The following CDKAL1 variants were observed in gnomAD, a reference collection of about 807,000 sequenced individuals.
CDKAL1 encodes CDKAL1 threonylcarbamoyladenosine tRNA methylthiotransferase.
A neutral mutation model predicts 68.2 loss-of-function variants in CDKAL1; 32 were observed. That is an observed-to-expected ratio of 0.47 (90% CI 0.35 to 0.63). The LOEUF (loss-of-function observed/expected upper bound fraction) is 0.63. Ranked by LOEUF, CDKAL1 falls within the 30% of genes least tolerant of loss-of-function variation. The pLI is 0.00. For missense variants in CDKAL1, 606 were observed against 696.7 expected (o/e 0.87, Z 1.47); for synonymous variants, 234 against 244.3 (o/e 0.96, Z 0.39).
In CDKAL1 at chr6:20,802,226, AG is replaced by A. The variant is rs981025354; in HGVS notation, c.638+20963del. Among the ~76,000 whole-genome samples the A allele has an allele frequency of 7.4e-4, 112 of 151,958 alleles. No individual in the cohort carries two copies. In the Middle Eastern group the frequency reaches 0.014, roughly 18 times the overall value. On this transcript the variant is annotated intron_variant, in intron 8 of 15. Coordinates refer to ENST00000274695, the MANE Select transcript of CDKAL1 (RefSeq NM_017774.3). Reference sequence around the variant, plus strand: ...GGCAGGAGAATCATGTGAACCCAGGAGGCGGAGGTTCCAGTGAGCCGAGATT... The same window carrying A: ...GGCAGGAGAATCATGTGAACCCAGGAGCGGAGGTTCCAGTGAGCCGAGATT...
At chr6:20,602,747 T>A (rs765666304) in intron 4 of CDKAL1, among the ~76,000 whole-genome samples, 4 of 152,190 alleles carry the variant, frequency 2.6e-5, no homozygotes, top group Non-Finnish European at 4.4e-5. Context: ...ACTTGGTTGT[T>A]CTTTGATTCC....
intron 8 of CDKAL1, among the ~76,000 whole-genome samples, chr6:20,803,072 G>A (rs549400637): frequency 2.0e-5 from 3 of 152,280 alleles, no homozygotes; most frequent in South Asian, 4.1e-4. Context: ...AGCCACGTTT[G>A]TTGCCATCTC....
chr6:21,045,937 A>G (rs201329), intron 11 of CDKAL1, among the ~76,000 whole-genome samples: 29,020 of 152,140 alleles, frequency 0.19, 2,901 homozygotes, highest in Middle Eastern at 0.24. Flanking sequence ...ACTATTTAAC[A>G]TTCACTGCCC....
intron 13 of CDKAL1, among the ~76,000 whole-genome samples, chr6:21,122,301 A>G (rs764725277): frequency 3.3e-5 from 5 of 152,244 alleles, no homozygotes; most frequent in Non-Finnish European, 7.3e-5. Flanking sequence ...CCACTACAGA[A>G]AGTATAAAGA....
chr6:20,726,782 A>G (rs1162635887), intron 5 of CDKAL1, among the ~76,000 whole-genome samples: 3 of 152,204 alleles, frequency 2.0e-5, no homozygotes, highest in Non-Finnish European at 2.9e-5. Flanking sequence ...GTTTGGGGGA[A>G]AAGCTACATA....
intron 9 of CDKAL1, among the ~76,000 whole-genome samples, chr6:20,944,409 G>A (rs1224118424): frequency 2.6e-5 from 4 of 152,210 alleles, no homozygotes; most frequent in Non-Finnish European, 4.4e-5. Flanking sequence ...GGGCAGTGGC[G>A]TGATCTCAGC....
At chr6:20,620,791 T>A (rs1467822966) in intron 4 of CDKAL1, among the ~76,000 whole-genome samples, 1 of 152,112 alleles carries the variant, frequency 6.6e-6, no homozygotes, top group East Asian at 1.9e-4. Context: ...AAAAATTGAA[T>A]AGGTAGTATG....
intron 4 of CDKAL1, among the ~76,000 whole-genome samples, chr6:20,615,021 T>C (rs1032892575): frequency 7.2e-6 from 1 of 139,268 alleles, no homozygotes; most frequent in South Asian, 2.5e-4. Flanking sequence ...TGAGTGAGAA[T>C]ATGCGGTGTT....
chr6:20,800,958 T>C (rs974241250), intron 8 of CDKAL1, among the ~76,000 whole-genome samples: 2 of 152,050 alleles, frequency 1.3e-5, no homozygotes, highest in Admixed American at 1.3e-4. Flanking sequence ...TGCCCTGTCA[T>C]CCAGGCTGGA....
At chr6:20,747,661 A>G (rs765942831) in intron 6 of CDKAL1, among the ~76,000 whole-genome samples, 1 of 152,178 alleles carries the variant, frequency 6.6e-6, no homozygotes, top group Non-Finnish European at 1.5e-5. Flanking sequence ...TCCTTTGCCC[A>G]TTTTTAAATA....
chr6:20,705,397 T>C (rs1771550478), intron 5 of CDKAL1, among the ~76,000 whole-genome samples: 1 of 152,206 alleles, frequency 6.6e-6, no homozygotes, highest in African/African-American at 2.4e-5. Context: ...AATAAGATTA[T>C]TACTTAAGCT....
intron 4 of CDKAL1, among the ~76,000 whole-genome samples, chr6:20,587,795 A>C (rs1765436739): frequency 6.9e-6 from 1 of 145,650 alleles, no homozygotes; most frequent in South Asian, 2.2e-4. Context: ...AGAACCAAAA[A>C]CCAAAAAAAA....
chr6:20,699,774 T>G (rs967203479), intron 5 of CDKAL1, among the ~76,000 whole-genome samples: 15 of 152,040 alleles, frequency 9.9e-5, no homozygotes, highest in African/African-American at 3.4e-4. Flanking sequence ...TCTTAATGAG[T>G]GGTCAATTTA....
chr6:20,642,925 A>G (rs1236763543), intron 4 of CDKAL1, among the ~76,000 whole-genome samples: 1 of 151,326 alleles, frequency 6.6e-6, no homozygotes, highest in Non-Finnish European at 1.5e-5. Flanking sequence ...AACAACAACA[A>G]CAACAACAAC....
In CDKAL1 at chr6:20,580,414, C is replaced by T. The variant is rs1052269903; in HGVS notation, c.286+31709C>T. ...TGAGTGAACCTAGCAGAGGTCCTCC[C>T]GTGTCTGCTTGTGACATTCTGCATT... is the stretch of plus-strand genomic sequence containing the variant. On this transcript the variant is annotated intron_variant, in intron 4 of 15. Coordinates refer to ENST00000274695, the MANE Select transcript of CDKAL1 (RefSeq NM_017774.3). Among the ~76,000 whole-genome samples, 18 of 151,992 alleles carry T rather than the reference C, an allele frequency of 1.2e-4. 1 individual carries two copies. The highest frequency in any genetic ancestry group is 5.2e-4 in the Admixed American group (8 of 15,248).
At chr6:21,049,706 A>C (rs1467415316) in intron 11 of CDKAL1, among the ~76,000 whole-genome samples, 1 of 152,186 alleles carries the variant, frequency 6.6e-6, no homozygotes. Context: ...GTGATGATTC[A>C]TTTGATGTGT....
chr6:21,135,408 G>A (rs1293801594), intron 13 of CDKAL1, among the ~76,000 whole-genome samples: 1 of 151,994 alleles, frequency 6.6e-6, no homozygotes, highest in East Asian at 1.9e-4. Flanking sequence ...AACTTTCCTG[G>A]ATTTCATCTG....
intron 9 of CDKAL1, among the ~76,000 whole-genome samples, chr6:20,848,777 TTTTC>T (rs1233869015): frequency 1.8e-4 from 28 of 151,902 alleles, no homozygotes; most frequent in African/African-American, 4.6e-4. Context: ...GTGGTTGTTT[TTTTC>T]TTTCTTTCTT....
At chr6:20,701,841 T>C (rs1771376608) in intron 5 of CDKAL1, among the ~76,000 whole-genome samples, 1 of 152,176 alleles carries the variant, frequency 6.6e-6, no homozygotes, top group Non-Finnish European at 1.5e-5. Context: ...GTTTTTCTTC[T>C]TGTTTTTAGT....
Sources: gnomAD v4.1 joint callset for allele counts (sites outside exome capture counted in the v4.1 genomes callset) on GRCh38, gnomAD v4.1.1 for gene constraint, MANE v1.5 for transcripts, NCBI Gene and HGNC (gene_info 2026-07-23, HGNC 2026-07-21) for gene names.